Variants in VSIG10 observed in about 807,000 individuals in gnomAD.
The protein encoded by VSIG10 is V-set and immunoglobulin domain containing 10, also known as V-set and immunoglobulin domain-containing protein 10.
A neutral mutation model predicts 58.7 loss-of-function variants in VSIG10; 48 were observed. That is an observed-to-expected ratio of 0.82 (90% CI 0.65 to 1.04). The LOEUF (loss-of-function observed/expected upper bound fraction) is 1.04. Ranked by LOEUF, VSIG10 falls within the 50% of genes least tolerant of loss-of-function variation. VSIG10 has a pLI of 0.00. For synonymous variants in VSIG10, 260 were observed against 267.1 expected (o/e 0.97, Z 0.26); for missense variants, 628 against 670.0 (o/e 0.94, Z 0.69).
At chr12:118,067,592 T>C (rs11068800) in intron 8 of VSIG10, among the ~76,000 whole-genome samples, 5,811 of 151,832 alleles carry the variant, frequency 0.038, 279 homozygotes, top group African/African-American at 0.1. Context: ...GTCTCCCAAG[T>C]AGCTGGGATT....
At chr12:118,093,890 CTGAG>C (rs2033370603) in intron 2 of VSIG10, among the ~76,000 whole-genome samples, 1 of 152,044 alleles carries the variant, frequency 6.6e-6, no homozygotes, top group Admixed American at 6.6e-5. Context: ...GCCTGGGCGA[CTGAG>C]TGAGACTACG....
Position 118,103,774 on chromosome 12 carries a change from T to A in VSIG10, c.-103A>T. On this transcript the variant is annotated 5_prime_UTR_variant, in exon 1 of 9. Transcript: ENST00000359236. Reference sequence around the variant, plus strand: ...GGTACCGAGGGCTCCTCCCAGGTCCTCGGAACGGCAGAGTGGCCCCACTTC... The same window carrying A: ...GGTACCGAGGGCTCCTCCCAGGTCCACGGAACGGCAGAGTGGCCCCACTTC... 8.6e-7 allele frequency: 1 copy of A among 1,169,474 alleles called. No homozygotes were observed. The highest frequency in any genetic ancestry group is 1.1e-6 in the Non-Finnish European group (1 of 888,532). 72.4% of individuals were successfully genotyped at this position (1,169,474 alleles called of 1,614,324 possible).
rs1479986204 is a variant in VSIG10, at chr12:118,064,942, A to AC, written c.*1696dup. ...CTAGGTCCTGCCCACTAGAGCAGAT[A>AC]CGCAACATTAAAGAGTGCAAATTCA... is the stretch of plus-strand genomic sequence containing the variant. On this transcript the variant is annotated 3_prime_UTR_variant, in exon 9 of 9. Coordinates refer to ENST00000359236, the MANE Select transcript of VSIG10 (RefSeq NM_019086.6). The AC allele has an allele frequency of 6.6e-6, 1 of 152,204 alleles. No homozygotes were observed. The highest frequency in any genetic ancestry group is 1.5e-5 in the Non-Finnish European group (1 of 68,034). 9.4% of individuals were successfully genotyped at this position (152,204 alleles called of 1,614,324 possible).
chr12:118,087,137 C>T (rs1791122179), intron 2 of VSIG10, among the ~76,000 whole-genome samples: 1 of 151,366 alleles, frequency 6.6e-6, no homozygotes, highest in Non-Finnish European at 1.5e-5. Context: ...CTGCTCTGGA[C>T]CAAGGGATTT....
intron 8 of VSIG10, among the ~76,000 whole-genome samples, chr12:118,067,973 T>G (rs1235882801): frequency 2.6e-5 from 4 of 151,384 alleles, no homozygotes; most frequent in Admixed American, 6.6e-5. Flanking sequence ...ACTCACCCCT[T>G]AGAGATTTCC....
intron 2 of VSIG10, among the ~76,000 whole-genome samples, chr12:118,085,589 T>C (rs1031809030): frequency 1.3e-5 from 2 of 152,208 alleles, no homozygotes; most frequent in African/African-American, 4.8e-5. Context: ...TGGCTGGGCA[T>C]GATGGCTCAT....
At chr12:118,096,636 A>G (rs950595061) in intron 1 of VSIG10, among the ~76,000 whole-genome samples, 3 of 150,228 alleles carry the variant, frequency 2.0e-5, no homozygotes, top group Admixed American at 6.6e-5. Flanking sequence ...GCTAGTTGGG[A>G]GTCTGAGGCA....
rs371656958 is a variant in VSIG10, at chr12:118,079,385, C to T, written c.886G>A (p.Val296Ile). 20 of 1,613,910 alleles carry T rather than the reference C, an allele frequency of 1.2e-5. No homozygotes were observed. In the East Asian group the frequency reaches 2.9e-4, roughly 23 times the overall value. Residue 296 changes from valine (V) to isoleucine (I), a missense_variant, in exon 4 of 9, where the codon GTT (valine) becomes ATT (isoleucine). By Grantham distance (29) the Val-to-Ile change is conservative. Coordinates refer to ENST00000359236, the MANE Select transcript of VSIG10 (RefSeq NM_019086.6). Reference protein sequence around the residue: ...KKFKCVTSHIVGPESGASCMV... With the variant: ...KKFKCVTSHIIGPESGASCMV... ...CAGCTGGCGCCCGACTCTGGCCCAA[C>T]TATGTGGCTTGTAACACACTTGAAC...
intron 2 of VSIG10, among the ~76,000 whole-genome samples, chr12:118,090,287 A>C (rs1467007529): frequency 3.3e-5 from 5 of 152,222 alleles, no homozygotes; most frequent in Non-Finnish European, 7.3e-5. Flanking sequence ...CCTGGGCGGC[A>C]GAGCAAGACT....
chr12:118,093,676 C>T (rs1021636427), intron 2 of VSIG10, among the ~76,000 whole-genome samples: 1 of 151,862 alleles, frequency 6.6e-6, no homozygotes, highest in African/African-American at 2.4e-5. Context: ...TTTGGGAGGC[C>T]GAGGTGGGCA....
rs1288340857 is a variant in VSIG10 at position 118,064,794 on chromosome 12, A to C, written c.*1845T>G. On this transcript the variant is annotated 3_prime_UTR_variant, in exon 9 of 9. Transcript: ENST00000359236. ...ATACTTCTAGTGATTTGCTCAGTTTAATCCCTTCATCCAAGAAAACAGACC... is the reference window on the plus strand; with the variant it reads ...ATACTTCTAGTGATTTGCTCAGTTTCATCCCTTCATCCAAGAAAACAGACC... 1 of 152,156 alleles carries C rather than the reference A, an allele frequency of 6.6e-6. No individual in the cohort carries two copies. The highest frequency in any genetic ancestry group is 1.5e-5 in the Non-Finnish European group (1 of 68,048). The allele number at this position is 152,156 out of a possible 1,614,324, so 9.4% of individuals were successfully genotyped here. A position where few individuals can be genotyped will look rare whatever the true frequency, so the allele number is the denominator to read the frequency against.
At chr12:118,076,280 C>T (rs929776456) in intron 4 of VSIG10, among the ~76,000 whole-genome samples, 12 of 151,822 alleles carry the variant, frequency 7.9e-5, no homozygotes, top group South Asian at 2.1e-4. Flanking sequence ...CCTGCAGCTG[C>T]GGGCTAAATT....
intron 8 of VSIG10, 106 bp downstream of exon 8, chr12:118,068,271 G>A: frequency 2.1e-6 from 2 of 973,622 alleles, no homozygotes; most frequent in South Asian, 3.3e-5. Context: ...CTGGGCTTAA[G>A]TGATCTTCCC....
chr12:118,103,400 G>C (rs1439444917), intron 1 of VSIG10, among the ~76,000 whole-genome samples, 193 bp downstream of exon 1: 1 of 151,856 alleles, frequency 6.6e-6, no homozygotes, highest in Non-Finnish European at 1.5e-5. Flanking sequence ...GCCCCGCACC[G>C]GGCGCCCGGG....
rs1273796129 is a variant in VSIG10 at position 118,095,625 on chromosome 12, A to G, written c.269T>C (p.Ile90Thr). 5.6e-6 allele frequency: 9 copies of G among 1,613,822 alleles called. No homozygotes were observed. The highest frequency in any genetic ancestry group is 2.7e-5 in the African/African-American group (2 of 74,908). Residue 90 changes from isoleucine (I) to threonine (T), a missense_variant, in exon 2 of 9, where the codon ATT (isoleucine) becomes ACT (threonine). Transcript: ENST00000359236. ...FSLVDATSLH[I>T]ESLSLGDEGI... ...CTCATCTCCCAGGCTCAGCGATTCAATGTGCAGGGAGGTGGCATCCACTAG... is the reference window on the plus strand; with the variant it reads ...CTCATCTCCCAGGCTCAGCGATTCAGTGTGCAGGGAGGTGGCATCCACTAG...
chr12:118,066,660 T>C lies in VSIG10; in HGVS notation c.1602A>G (p.Gln534=). Residue 534 remains glutamine, a synonymous_variant, in exon 9 of 9, where the codon CAA becomes CAG. Transcript: ENST00000359236. ...TTCTTCAGACTGGCCTGTCTTCTTC[T>C]TGAACAATGTCACTTTGCTCCTCAC... ...DSSEEQSDIV[Q]EEDRPV is the part of the protein sequence containing the mutation. 1 of 1,613,040 alleles carries C rather than the reference T, an allele frequency of 6.2e-7. No homozygotes were observed. The highest frequency in any genetic ancestry group is 8.5e-7 in the Non-Finnish European group (1 of 1,179,434).
intron 8 of VSIG10, among the ~76,000 whole-genome samples, chr12:118,067,524 C>A (rs1484319030): frequency 6.8e-6 from 1 of 147,424 alleles, no homozygotes; most frequent in East Asian, 2.0e-4. Context: ...AGTGCAGTGG[C>A]ACGATCTCGG....
Position 118,103,599 on chromosome 12 carries a change from C to T in VSIG10, c.73G>A (p.Ala25Thr). The T allele has an allele frequency of 1.2e-5, 18 of 1,521,580 alleles. No individual in the cohort carries two copies. The highest frequency in any genetic ancestry group is 1.6e-5 in the Non-Finnish European group (18 of 1,140,366). The allele number at this position is 1,521,580 out of a possible 1,614,324, so 94.3% of individuals were successfully genotyped here. Residue 25 changes from alanine (A) to threonine (T), a missense_variant, in exon 1 of 9, where the codon GCC becomes ACC. Ala to Thr is a moderately conservative substitution (Grantham distance 58). Transcript: ENST00000359236. ...CCAGATCGCGGCCCCTTACCTACGG[C>T]GACCCAGCCGGCCAGGAGCGCCCCG... Reference protein sequence around the residue: ...CLGALLAGWVAVGLEAVVIGE... With the variant: ...CLGALLAGWVTVGLEAVVIGE...
Position 118,082,381 on chromosome 12 carries a change from G to C in VSIG10, c.410C>G (p.Pro137Arg), listed in dbSNP as rs2137901524. The C allele has an allele frequency of 6.2e-6, 10 of 1,613,758 alleles. No individual in the cohort carries two copies. The highest frequency in any genetic ancestry group is 8.5e-6 in the Non-Finnish European group (10 of 1,179,760). Residue 137 changes from proline to arginine, a missense_variant, in exon 3 of 9, where the codon CCC becomes CGC. Transcript: ENST00000359236. Reference sequence around the variant, plus strand: ...CCTGGCTGCGTAGAGGGTGCCGTTGGGGAGTGTGCCGGTGGCCACGATGTG... The same window carrying C: ...CCTGGCTGCGTAGAGGGTGCCGTTGCGGAGTGTGCCGGTGGCCACGATGTG... ...EVHIVATGTLPNGTLYAARGS... is the reference protein window; with the variant it reads ...EVHIVATGTLRNGTLYAARGS...
Sources: gnomAD v4.1 joint callset for allele counts (sites outside exome capture counted in the v4.1 genomes callset) on GRCh38, gnomAD v4.1.1 for gene constraint, MANE v1.5 for transcripts, NCBI Gene and HGNC (gene_info 2026-07-23, HGNC 2026-07-21) for gene names.